Variants in MLLT3 observed in about 807,000 individuals in gnomAD.
MLLT3 encodes the protein protein AF-9.
Under a neutral mutation model 53.2 loss-of-function variants are expected in MLLT3, and 4 were observed. The ratio of observed to expected loss-of-function variants is 0.08; its 90% confidence interval spans 0.04 to 0.17. MLLT3 has a LOEUF of 0.17. MLLT3 is among the 10% of genes least tolerant of loss of function. The probability of loss-of-function intolerance (pLI) is 1.00; values close to 1 mark genes in which losing one functional copy is unlikely to be tolerated. For missense variants in MLLT3, 569 were observed against 684.0 expected (o/e 0.83, Z 1.87); for synonymous variants, 283 against 230.6 (o/e 1.23, Z -2.06).
intron 8 of MLLT3, among the ~76,000 whole-genome samples, chr9:20,359,514 G>A (rs1587151440): frequency 6.6e-6 from 1 of 152,338 alleles, no homozygotes; most frequent in South Asian, 2.1e-4. Flanking sequence ...AGAAATTGCA[G>A]TTGAACTGTA....
chr9:20,352,414 C>T (rs1414702844), intron 10 of MLLT3, among the ~76,000 whole-genome samples: 2 of 152,150 alleles, frequency 1.3e-5, no homozygotes, highest in Admixed American at 6.5e-5. Context: ...AAACAACGTT[C>T]GGTTCTTCAA....
At chr9:20,516,906 C>T (rs1253128733) in intron 2 of MLLT3, among the ~76,000 whole-genome samples, 1 of 152,160 alleles carries the variant, frequency 6.6e-6, no homozygotes, top group Non-Finnish European at 1.5e-5. Flanking sequence ...TAAGCATCTA[C>T]TCAATTTTCA....
intron 2 of MLLT3, among the ~76,000 whole-genome samples, chr9:20,547,693 G>C (rs1818824977): frequency 6.6e-6 from 1 of 150,666 alleles, no homozygotes; most frequent in Non-Finnish European, 1.5e-5. Context: ...GCTCACGCCT[G>C]TAATTCCAGC....
intron 4 of MLLT3, among the ~76,000 whole-genome samples, chr9:20,446,722 T>C (rs1823712385): frequency 1.3e-5 from 2 of 152,224 alleles, no homozygotes; most frequent in Admixed American, 6.5e-5. Flanking sequence ...CATAGGTAAA[T>C]GGCATCAAAA....
At chr9:20,530,758 A>T (rs1233359508) in intron 2 of MLLT3, among the ~76,000 whole-genome samples, 2 of 152,124 alleles carry the variant, frequency 1.3e-5, no homozygotes, top group Non-Finnish European at 2.9e-5. Flanking sequence ...CAGCCTTCCA[A>T]GTAGCTGGGA....
At chr9:20,352,459 A>G (rs1363638512) in intron 10 of MLLT3, among the ~76,000 whole-genome samples, 2 of 152,188 alleles carry the variant, frequency 1.3e-5, no homozygotes, top group African/African-American at 4.8e-5. Flanking sequence ...AAAGTACTAG[A>G]CCACCACTCA....
At chr9:20,498,651 T>A (rs1563788076) in intron 2 of MLLT3, among the ~76,000 whole-genome samples, 1 of 152,236 alleles carries the variant, frequency 6.6e-6, no homozygotes, top group Non-Finnish European at 1.5e-5. Context: ...TGTATTTTTT[T>A]TAGCTCATCA....
intron 2 of MLLT3, among the ~76,000 whole-genome samples, chr9:20,541,599 C>A (rs2119012254): frequency 6.6e-6 from 1 of 152,260 alleles, no homozygotes; most frequent in African/African-American, 2.4e-5. Flanking sequence ...ATAAGGCCCG[C>A]ATAGGGGAAA....
chr9:20,416,862 A>T, intron 4 of MLLT3, among the ~76,000 whole-genome samples: 1 of 152,052 alleles, frequency 6.6e-6, no homozygotes, highest in African/African-American at 2.4e-5. Context: ...TTAAGGCAGC[A>T]TTTTCTTTGT....
At chr9:20,512,132 C>G (rs1817767817) in intron 2 of MLLT3, among the ~76,000 whole-genome samples, 1 of 152,186 alleles carries the variant, frequency 6.6e-6, no homozygotes, top group Admixed American at 6.5e-5. Flanking sequence ...TTAATAAATA[C>G]TAACCTAAAA....
At chr9:20,458,623 A>T (rs1824029632) in intron 2 of MLLT3, among the ~76,000 whole-genome samples, 1 of 152,128 alleles carries the variant, frequency 6.6e-6, no homozygotes, top group Non-Finnish European at 1.5e-5. Context: ...CCCTTCCTCT[A>T]TGTGAGGACA....
Position 20,342,259 on chromosome 9 carries a change from C to G in MLLT3, c.*4184G>C, listed in dbSNP as rs971732489. On this transcript the variant is annotated 3_prime_UTR_variant, in exon 11 of 11. Transcript: ENST00000380338. The stretch of plus-strand genomic sequence containing the variant: ...AAACACCTATTTCTATCAATCTGTA[C>G]TTACATTTCAACATGGATTTTAGAG... 3 of 222,412 alleles carry G rather than the reference C, an allele frequency of 1.3e-5. No individual in the cohort carries two copies. The highest frequency in any genetic ancestry group is 1.3e-3 in the Middle Eastern group (1 of 750). 13.8% of individuals were successfully genotyped at this position (222,412 alleles called of 1,614,324 possible).
chr9:20,603,426 T>C (rs1013145455), intron 2 of MLLT3, among the ~76,000 whole-genome samples: 2 of 152,104 alleles, frequency 1.3e-5, no homozygotes, highest in African/African-American at 4.8e-5. Flanking sequence ...AATTTCATTA[T>C]GTTTTTTCCT....
At chr9:20,369,167 G>C (rs1033789249) in intron 5 of MLLT3, among the ~76,000 whole-genome samples, 1 of 152,108 alleles carries the variant, frequency 6.6e-6, no homozygotes, top group Admixed American at 6.5e-5. Context: ...ACCACTGATC[G>C]AGGACCCAGA....
intron 5 of MLLT3, among the ~76,000 whole-genome samples, chr9:20,400,467 A>C (rs1822427734): frequency 1.3e-5 from 2 of 152,170 alleles, no homozygotes; most frequent in African/African-American, 4.8e-5. Flanking sequence ...AGACTTAACT[A>C]ATTACTTTAG....
intron 5 of MLLT3, among the ~76,000 whole-genome samples, chr9:20,368,188 G>A (rs936390388): frequency 6.6e-6 from 1 of 152,200 alleles, no homozygotes; most frequent in African/African-American, 2.4e-5. Context: ...CTTCATTTCT[G>A]TTGAGTGGCT....
rs961710580 is a variant in MLLT3, at chr9:20,350,113, C to T, written c.1575+3412G>A. 3.6e-4 allele frequency among the ~76,000 whole-genome samples: 55 copies of T among 152,180 alleles called. 1 individual carries two copies. Among genetic ancestry groups the T allele is most frequent in the African/African-American group, 1.3e-3 (52 of 41,434 alleles). ...GAAACAACATTAACATGCTTTATTC[C>T]ATTGACACAGGCCACAAAGCCTGAA... On this transcript the variant is annotated intron_variant, in intron 10 of 10. Transcript: ENST00000380338.
chr9:20,588,094 A>G (rs1820024427), intron 2 of MLLT3, among the ~76,000 whole-genome samples: 1 of 152,094 alleles, frequency 6.6e-6, no homozygotes, highest in African/African-American at 2.4e-5. Flanking sequence ...TTTATTAAAT[A>G]GGGAATCCTT....
chr9:20,418,718 G>C (rs1458580285), intron 4 of MLLT3, among the ~76,000 whole-genome samples: 8 of 152,248 alleles, frequency 5.3e-5, no homozygotes, highest in Admixed American at 5.2e-4. Context: ...CTGGGCTCAA[G>C]TGATCCTCCT....
Sources: gnomAD v4.1 joint callset for allele counts (sites outside exome capture counted in the v4.1 genomes callset) on GRCh38, gnomAD v4.1.1 for gene constraint, MANE v1.5 for transcripts, NCBI Gene and HGNC (gene_info 2026-07-23, HGNC 2026-07-21) for gene names.